The following TBL1XR1 variants were observed in gnomAD, a reference collection of about 807,000 sequenced individuals.
TBL1XR1 encodes TBL1X/Y related 1.
In TBL1XR1, 5 loss-of-function variants were observed where a neutral mutation model predicts 66.9. That is an observed-to-expected ratio of 0.07 (90% confidence interval 0.04 to 0.16). The LOEUF (loss-of-function observed/expected upper bound fraction) is 0.16, where lower values mean the gene tolerates loss of function less well. Ranked by LOEUF, TBL1XR1 falls within the 10% of genes least tolerant of loss-of-function variation. The pLI, the probability that TBL1XR1 is intolerant of heterozygous loss-of-function variation, is 1.00. For synonymous variants in TBL1XR1, 210 were observed against 206.0 expected, an observed-to-expected ratio of 1.02 and a Z score of -0.17; for missense variants, 238 against 623.2, an observed-to-expected ratio of 0.38 and a Z score of 6.58.
At chr3:177,134,971 G>GTGTGTGTGTGTGTGTGTGTGTGTGTGTC (rs1283330297) in intron 1 of TBL1XR1, among the ~76,000 whole-genome samples, 37 of 146,154 alleles carry the variant, frequency 2.5e-4, no homozygotes, top group East Asian at 1.1e-3. Flanking sequence ...GTGTGTCTGT[G>GTGTGTGTGTGTGTGTGTGTGTGTGTGTC]TGTGTGTCTG....
At position 177,023,137 on chromosome 3, in the gene TBL1XR1, CTG is replaced by C. The variant is rs1036521116; in HGVS notation, c.*2359_*2360del. ...TAATCAGCTGGGAAAAAGTCAATAA[CTG>C]TATGCAAATGAATAAACTGTCCATA... On this transcript the variant is annotated 3_prime_UTR_variant, in exon 16 of 16. Transcript: ENST00000457928. The C allele has an allele frequency of 6.6e-6, 1 of 152,316 alleles. No homozygotes were observed. The highest frequency in any genetic ancestry group is 1.9e-4 in the East Asian group (1 of 5,182). 9.4% of individuals were successfully genotyped at this position (152,316 alleles called of 1,614,324 possible).
rs186410276 is a variant in TBL1XR1, at chr3:177,119,475, A to G, written c.-121-20934T>C. On this transcript the variant is annotated intron_variant, in intron 1 of 15. Transcript: ENST00000457928. ...TGTTTAGATAAGTAAATAGACATGA[A>G]TGGTTAGGGGAAGGGGTGTTTTGAA... 2.6e-5 allele frequency among the ~76,000 whole-genome samples: 4 copies of G among 152,268 alleles called. No homozygotes were observed. In the East Asian group the frequency reaches 7.7e-4, roughly 29 times the overall value.
chr3:177,075,037 G>A (rs974964449), intron 2 of TBL1XR1, among the ~76,000 whole-genome samples: 6 of 152,240 alleles, frequency 3.9e-5, no homozygotes, highest in South Asian at 2.1e-4. Flanking sequence ...GTTTCCCAGC[G>A]CTACTGTGAT....
At chr3:177,199,691 C>T (rs1737305163), upstream of TBL1XR1, among the ~76,000 whole-genome samples, 3 of 152,132 alleles carry the variant, frequency 2.0e-5, no homozygotes, top group East Asian at 5.8e-4. Context: ...GGAGGAGACA[C>T]CCTCCTTCAG....
At chr3:177,045,713 C>T (rs1716239549) in intron 10 of TBL1XR1, among the ~76,000 whole-genome samples, 2 of 152,026 alleles carry the variant, frequency 1.3e-5, no homozygotes, top group Non-Finnish European at 2.9e-5. Context: ...TATCATTTAG[C>T]CTTATCCCAT....
chr3:177,120,030 A>C (rs1156265022), intron 1 of TBL1XR1, among the ~76,000 whole-genome samples: 1 of 152,182 alleles, frequency 6.6e-6, no homozygotes, highest in Non-Finnish European at 1.5e-5. Flanking sequence ...ACCTTTATTT[A>C]AATAAGAGGG....
chr3:177,024,706 CAAAAAAG>C lies in TBL1XR1; in HGVS notation c.*785_*791del, dbSNP rs1712842736. 2 of 40,818 alleles carry C rather than the reference CAAAAAAG, an allele frequency of 4.9e-5. No individual in the cohort carries two copies. The highest frequency in any genetic ancestry group is 1.0e-4 in the Non-Finnish European group (2 of 19,844). 2.5% of individuals were successfully genotyped at this position (40,818 alleles called of 1,614,324 possible). A position where few individuals can be genotyped will look rare whatever the true frequency, so the allele number is the denominator to read the frequency against. On this transcript the variant is annotated 3_prime_UTR_variant, in exon 16 of 16. Transcript: ENST00000457928. Reference sequence around the variant, plus strand: ...GCATTTAAGCCACATCACCAAAAAACAAAAAAGAAAAAAAAAAAAAAAAAGCAAAACA... The same window carrying C: ...GCATTTAAGCCACATCACCAAAAAACAAAAAAAAAAAAAAAAAGCAAAACA...
chr3:177,106,287 C>T (rs1724876971), intron 1 of TBL1XR1, among the ~76,000 whole-genome samples: 1 of 152,064 alleles, frequency 6.6e-6, no homozygotes, highest in African/African-American at 2.4e-5. Context: ...AACCATCGCG[C>T]AAATCAATGA....
At chr3:177,180,550 T>G (rs1734698527) in intron 1 of TBL1XR1, among the ~76,000 whole-genome samples, 1 of 152,136 alleles carries the variant, frequency 6.6e-6, no homozygotes, top group South Asian at 2.1e-4. Context: ...GCAATCATTT[T>G]AAGTTCAAAG....
intron 12 of TBL1XR1, among the ~76,000 whole-genome samples, chr3:177,037,009 G>C (rs1714886532): frequency 6.6e-6 from 1 of 152,134 alleles, no homozygotes; most frequent in South Asian, 2.1e-4. Flanking sequence ...GGTGTGCTTA[G>C]GTGCGAGACA....
At chr3:177,177,386 G>A (rs1734287225) in intron 1 of TBL1XR1, among the ~76,000 whole-genome samples, 1 of 152,094 alleles carries the variant, frequency 6.6e-6, no homozygotes, top group Non-Finnish European at 1.5e-5. Flanking sequence ...GGAGGCAGAG[G>A]TTGCAGTGAA....
chr3:177,090,547 G>C (rs1243913814), intron 2 of TBL1XR1, among the ~76,000 whole-genome samples: 1 of 150,442 alleles, frequency 6.6e-6, no homozygotes, highest in Admixed American at 6.7e-5. Flanking sequence ...AATCAGCTGG[G>C]TGCAGTGGCT....
chr3:177,081,517 A>G (rs1364191790), intron 2 of TBL1XR1, among the ~76,000 whole-genome samples: 2 of 151,804 alleles, frequency 1.3e-5, no homozygotes, highest in East Asian at 3.9e-4. Context: ...TGGGAGGCTG[A>G]GAGAGAAGAA....
At chr3:177,135,383 G>GTA (rs1203851204) in intron 1 of TBL1XR1, among the ~76,000 whole-genome samples, 1 of 23,238 alleles carries the variant, frequency 4.3e-5, no homozygotes, top group Non-Finnish European at 7.0e-5. Flanking sequence ...ATATATATAT[G>GTA]TATGTATTTT....
intron 1 of TBL1XR1, among the ~76,000 whole-genome samples, chr3:177,122,925 C>A (rs1373851484): frequency 1.3e-5 from 2 of 152,106 alleles, no homozygotes; most frequent in Non-Finnish European, 2.9e-5. Flanking sequence ...GAATCCCTCT[C>A]TAAATTCAAG....
intron 1 of TBL1XR1, among the ~76,000 whole-genome samples, chr3:177,187,435 T>G (rs1299835397): frequency 6.6e-6 from 1 of 151,608 alleles, no homozygotes; most frequent in Non-Finnish European, 1.5e-5. Flanking sequence ...ATAAAGGAAT[T>G]GAAGTATCGA....
intron 1 of TBL1XR1, among the ~76,000 whole-genome samples, chr3:177,151,873 A>T (rs1179099459): frequency 6.6e-6 from 1 of 152,064 alleles, no homozygotes. Context: ...AAAATACAAA[A>T]ATCAGCCGGG....
Position 177,153,776 on chromosome 3 carries a change from T to C in TBL1XR1, c.-122+43345A>G, listed in dbSNP as rs1209322302. ...CCTGTAATCCCAGCTACTCAGGAGGTTGAGGCAGGAGAATCACTTGAACCC... is the reference window on the plus strand; with the variant it reads ...CCTGTAATCCCAGCTACTCAGGAGGCTGAGGCAGGAGAATCACTTGAACCC... On this transcript the variant is annotated intron_variant, in intron 1 of 15. Transcript: ENST00000457928. 4.8e-5 allele frequency among the ~76,000 whole-genome samples: 7 copies of C among 145,766 alleles called. No homozygotes were observed. In the South Asian group the frequency reaches 6.6e-4, roughly 14 times the overall value.
intron 14 of TBL1XR1, chr3:177,032,408 CTG>C (rs1219005636): frequency 1.3e-5 from 2 of 152,174 alleles, no homozygotes; most frequent in Admixed American, 6.5e-5. Context: ...GATCCGATAA[CTG>C]AGAGGGGTGA....
Sources: allele counts gnomAD v4.1 joint callset (sites outside exome capture counted in the v4.1 genomes callset), GRCh38; gene constraint gnomAD v4.1.1; transcripts MANE v1.5; gene names NCBI Gene and HGNC (gene_info 2026-07-23, HGNC 2026-07-21).